The following FAM186B variants were observed in gnomAD, a reference collection of about 807,000 sequenced individuals.
FAM186B encodes the protein protein FAM186B.
FAM186B carries 68 observed loss-of-function variants against 83.4 expected under a neutral mutation model. The observed-to-expected ratio is 0.81, with a 90% confidence interval of 0.67 to 1.00. FAM186B has a LOEUF of 1.00. FAM186B is among the 50% of genes least tolerant of loss of function. The pLI, the probability that FAM186B is intolerant of heterozygous loss-of-function variation, is 0.00. For missense variants in FAM186B, 983 were observed against 1,099.2 expected, an observed-to-expected ratio of 0.89 and a Z score of 1.49; for synonymous variants, 389 against 422.0, an observed-to-expected ratio of 0.92 and a Z score of 0.96.
At chr12:49,584,707 C>G, downstream of FAM186B, 2 of 690,304 alleles carry the variant, frequency 2.9e-6, no homozygotes, top group South Asian at 3.0e-5. Flanking sequence ...CTTCCCAGAG[C>G]CAAGTCCAGA....
upstream of FAM186B, chr12:49,605,753 CTTTTCTTTTT>C: frequency 4.4e-6 from 1 of 228,290 alleles, no homozygotes; most frequent in African/African-American, 2.9e-5. Context: ...GACTTGTTGC[CTTTTCTTTTT>C]TTTTTTTTTT....
chr12:49,614,719 C>T, the FAM186B span, among the ~76,000 whole-genome samples: 1 of 152,046 alleles, frequency 6.6e-6, no homozygotes, highest in Non-Finnish European at 1.5e-5. Context: ...ACATGTACCC[C>T]CTGAGTCTAA....
upstream of FAM186B, among the ~76,000 whole-genome samples, chr12:49,609,934 T>G (rs1940067756): frequency 6.6e-6 from 1 of 152,112 alleles, no homozygotes; most frequent in African/African-American, 2.4e-5. Context: ...CTTCTGCCAG[T>G]AAACAAGGAT....
At chr12:49,602,787 C>A (rs138825855) in intron 3 of FAM186B, among the ~76,000 whole-genome samples, 228 of 152,348 alleles carry the variant, frequency 1.5e-3, no homozygotes, top group African/African-American at 5.4e-3. Flanking sequence ...TGATGGACCA[C>A]CTCTGCAGCA....
intron 5 of FAM186B, 75 bp downstream of exon 5, chr12:49,598,680 T>C: frequency 7.2e-7 from 1 of 1,390,456 alleles, no homozygotes; most frequent in Non-Finnish European, 9.7e-7. Context: ...CACGGGTTCA[T>C]TTCAGGCCCC....
chr12:49,604,250 C>T lies in FAM186B; in HGVS notation c.322+63G>A, dbSNP rs1186700853. The T allele has an allele frequency of 3.8e-6, 5 of 1,319,964 alleles. No individual in the cohort carries two copies. In the East Asian group the frequency reaches 6.9e-5, roughly 18 times the overall value. The allele number at this position is 1,319,964 out of a possible 1,614,324, so 81.8% of individuals were successfully genotyped here. On this transcript the variant is annotated intron_variant, in intron 2 of 6. Transcript: ENST00000257894. The stretch of plus-strand genomic sequence containing the variant: ...GAGAAGGGGATGTGTCCTGTGCTGT[C>T]CCTGTGCTCGCCACCCACACTCCCC...
chr12:49,587,816 T>C, intron 6 of FAM186B, 64 bp from the exon 7 acceptor site: 6 of 1,540,038 alleles, frequency 3.9e-6, no homozygotes, highest in Non-Finnish European at 4.4e-6. Flanking sequence ...CAAGAGACTC[T>C]CCAGAGCCAT....
chr12:49,608,781 A>C (rs1485233828), upstream of FAM186B, among the ~76,000 whole-genome samples: 1 of 151,474 alleles, frequency 6.6e-6, no homozygotes. Context: ...TGGAAAGGGC[A>C]CTTTGGGAAA....
intron 5 of FAM186B, among the ~76,000 whole-genome samples, chr12:49,598,536 C>G (rs1024329319): frequency 6.6e-6 from 1 of 152,174 alleles, no homozygotes; most frequent in African/African-American, 2.4e-5. Flanking sequence ...GTTGCTCTCC[C>G]CAGAAACAGA....
intron 5 of FAM186B, among the ~76,000 whole-genome samples, chr12:49,597,279 C>T (rs1939749808): frequency 6.6e-6 from 1 of 152,140 alleles, no homozygotes; most frequent in South Asian, 2.1e-4. Flanking sequence ...ATTATTCAGC[C>T]TTAAAAAAGG....
chr12:49,586,834 C>T (rs1225665782), downstream of FAM186B, among the ~76,000 whole-genome samples: 2 of 152,146 alleles, frequency 1.3e-5, no homozygotes, highest in African/African-American at 2.4e-5. Flanking sequence ...AGGGATTCGC[C>T]CTCTTTGATG....
upstream of FAM186B, among the ~76,000 whole-genome samples, chr12:49,605,791 C>G (rs1378658176): frequency 2.0e-5 from 3 of 147,550 alleles, no homozygotes; most frequent in Non-Finnish European, 4.5e-5. Flanking sequence ...ACGGAGTCTC[C>G]CTCTGTAGCC....
At position 49,600,025 on chromosome 12, in the gene FAM186B, T is replaced by A; in HGVS notation, c.1615A>T (p.Lys539Ter). 6.2e-7 allele frequency: 1 copy of A among 1,608,646 alleles called. No homozygotes were observed. Among genetic ancestry groups the A allele is most frequent in the Non-Finnish European group, 8.5e-7 (1 of 1,177,542 alleles). Residue 539 changes from lysine to a stop codon, truncating the protein, a stop_gained, in exon 4 of 7, where the codon AAG becomes TAG. Coordinates refer to ENST00000257894, the MANE Select transcript of FAM186B (RefSeq NM_032130.3). LOFTEE classifies it high-confidence loss of function. This position sits in a 1 kb window ranked among gnomAD's most constrained non-coding sequence, Gnocchi z 4.3. ...TCTCTCCGTGGGCTCTCCTGCTCCTTTTCTAGCTGGACCCATCTCCGCTGT... is the reference window on the plus strand; with the variant it reads ...TCTCTCCGTGGGCTCTCCTGCTCCTATTCTAGCTGGACCCATCTCCGCTGT... ...EQQRRWVQLE[K>*]EQESPRREPE...
rs35465735 is a variant in FAM186B at position 49,594,874 on chromosome 12, C to CA, written c.2364+3880dup. Among the ~76,000 whole-genome samples, 372 of 122,564 alleles carry CA rather than the reference C, an allele frequency of 3.0e-3. 1 individual carries two copies. Among genetic ancestry groups the CA allele is most frequent in the South Asian group, 7.0e-3 (26 of 3,740 alleles). The allele number at this position is 122,564 out of a possible 152,430, so 80.4% of individuals were successfully genotyped here. ...TGGGCAACAGAGCAAGACTCTGTCTCAAAAAAAAAAAAAAGGAATGCCGCA... is the reference window on the plus strand; with the variant it reads ...TGGGCAACAGAGCAAGACTCTGTCTCAAAAAAAAAAAAAAAGGAATGCCGCA... On this transcript the variant is annotated intron_variant, in intron 5 of 6. Coordinates refer to ENST00000257894, the MANE Select transcript of FAM186B (RefSeq NM_032130.3).
chr12:49,585,329 G>A (rs997055814), downstream of FAM186B, among the ~76,000 whole-genome samples: 5 of 152,134 alleles, frequency 3.3e-5, no homozygotes, highest in Admixed American at 2.0e-4. Context: ...GTACCAGCGT[G>A]TTTTTAGCTG....
chr12:49,602,574 C>G (rs1291512972), intron 3 of FAM186B, among the ~76,000 whole-genome samples: 3 of 152,190 alleles, frequency 2.0e-5, no homozygotes, highest in African/African-American at 7.2e-5. Context: ...CAAAGTGATA[C>G]AACCAGAAAT....
intron 5 of FAM186B, among the ~76,000 whole-genome samples, chr12:49,590,803 A>AT (rs143860690): frequency 6.1e-4 from 93 of 152,270 alleles, no homozygotes; most frequent in African/African-American, 2.0e-3. Flanking sequence ...GGGGCAATGG[A>AT]TTTTTTGCCA....
intron 3 of FAM186B, among the ~76,000 whole-genome samples, chr12:49,601,799 T>G (rs1939902047): frequency 1.3e-5 from 2 of 152,138 alleles, no homozygotes; most frequent in African/African-American, 4.8e-5. Context: ...CCCTTGGACC[T>G]ACTATGTATA....
the FAM186B span, among the ~76,000 whole-genome samples, chr12:49,617,214 A>G: frequency 6.6e-6 from 1 of 152,152 alleles, no homozygotes; most frequent in Non-Finnish European, 1.5e-5. Flanking sequence ...CCCCTTCTCA[A>G]GCAAAGCTGT....
Sources: allele counts gnomAD v4.1 joint callset (sites outside exome capture counted in the v4.1 genomes callset), GRCh38; gene constraint gnomAD v4.1.1; non-coding constraint Gnocchi (gnomAD v3.1); transcripts MANE v1.5; gene names NCBI Gene and HGNC (gene_info 2026-07-23, HGNC 2026-07-21).